AGBL4: variants seen among roughly 807,000 people sequenced by gnomAD.
The protein encoded by AGBL4 is cytosolic carboxypeptidase 6.
AGBL4 carries 58 observed loss-of-function variants against 66.4 expected under a neutral mutation model. That is an observed-to-expected ratio of 0.87 (90% CI 0.71 to 1.09). AGBL4 has a LOEUF of 1.09. Ranked by LOEUF, AGBL4 falls within the 50% of genes least tolerant of loss-of-function variation. The pLI is 0.00. For missense variants in AGBL4, 579 were observed against 631.0 expected (o/e 0.92, Z 0.88); for synonymous variants, 234 against 222.9 (o/e 1.05, Z -0.44).
intron 2 of AGBL4, among the ~76,000 whole-genome samples, chr1:49,833,672 G>C (rs1645761085): frequency 6.6e-6 from 1 of 152,136 alleles, no homozygotes; most frequent in Non-Finnish European, 1.5e-5. Flanking sequence ...ATTTCATTGA[G>C]CAGTGGTTTG....
intron 4 of AGBL4, among the ~76,000 whole-genome samples, chr1:49,098,211 T>C (rs1459391938): frequency 6.6e-6 from 1 of 152,156 alleles, no homozygotes; most frequent in Non-Finnish European, 1.5e-5. Context: ...ATAAACATGA[T>C]ATGTAAAAAC....
intron 3 of AGBL4, among the ~76,000 whole-genome samples, chr1:49,352,321 TAA>T (rs1234234725): frequency 1.3e-5 from 2 of 148,588 alleles, no homozygotes. Context: ...CCAGTTTGAA[TAA>T]AGTATTCTCT....
At chr1:49,047,160 A>G (rs929598512) in intron 4 of AGBL4, among the ~76,000 whole-genome samples, 9 of 152,164 alleles carry the variant, frequency 5.9e-5, no homozygotes, top group African/African-American at 2.2e-4. Flanking sequence ...TTGGAACAGC[A>G]GTGGTTACAT....
At chr1:48,865,850 C>T (rs951172264) in intron 6 of AGBL4, among the ~76,000 whole-genome samples, 5 of 152,082 alleles carry the variant, frequency 3.3e-5, no homozygotes, top group African/African-American at 1.2e-4. Flanking sequence ...TAAACTGTAT[C>T]GGACATAGAT....
intron 6 of AGBL4, among the ~76,000 whole-genome samples, chr1:48,731,658 A>G (rs1648157940): frequency 6.6e-6 from 1 of 152,226 alleles, no homozygotes; most frequent in African/African-American, 2.4e-5. Context: ...TGTTCCAGGC[A>G]TCCGGAAAAG....
chr1:49,170,048 C>T (rs982874609), intron 4 of AGBL4, among the ~76,000 whole-genome samples: 4 of 151,796 alleles, frequency 2.6e-5, no homozygotes, highest in East Asian at 1.9e-4. Flanking sequence ...ACACAACTCA[C>T]GTGATGGATG....
chr1:48,825,700 T>C (rs1325285948), intron 6 of AGBL4, among the ~76,000 whole-genome samples: 1 of 152,142 alleles, frequency 6.6e-6, no homozygotes, highest in Non-Finnish European at 1.5e-5. Flanking sequence ...AGAAAGAGCA[T>C]GAGCAAAGGC....
In AGBL4 at chr1:49,076,964, T is replaced by C. The variant is rs138980908; in HGVS notation, c.378-31164A>G. On this transcript the variant is annotated intron_variant, in intron 4 of 13. Coordinates refer to ENST00000371839, the MANE Select transcript of AGBL4 (RefSeq NM_032785.4). The stretch of plus-strand genomic sequence containing the variant: ...AACCAATTACAGAGAAACTTCAAGC[T>C]TTAAGGAATGTACCCACGTTATGCT... Among the ~76,000 whole-genome samples, 1,181 of 152,294 alleles carry C rather than the reference T, an allele frequency of 7.8e-3. 45 individuals are homozygous for C. Among genetic ancestry groups the C allele is most frequent in the Admixed American group, 0.058 (893 of 15,290 alleles).
At chr1:49,893,321 C>G (rs1318853203) in intron 1 of AGBL4, among the ~76,000 whole-genome samples, 1 of 152,136 alleles carries the variant, frequency 6.6e-6, no homozygotes, top group African/African-American at 2.4e-5. Context: ...ACAGGAACAC[C>G]AAATTTAACA....
chr1:49,721,850 G>C (rs903714967), intron 2 of AGBL4, among the ~76,000 whole-genome samples: 1 of 152,004 alleles, frequency 6.6e-6, no homozygotes, highest in East Asian at 1.9e-4. Flanking sequence ...GGCTTTCATA[G>C]GAAAGAAGGG....
At chr1:49,966,204 A>T (rs985517494) in intron 1 of AGBL4, among the ~76,000 whole-genome samples, 1 of 152,022 alleles carries the variant, frequency 6.6e-6, no homozygotes, top group Non-Finnish European at 1.5e-5. Context: ...AGCCTCCCAA[A>T]GTGCTGGGAT....
intron 3 of AGBL4, among the ~76,000 whole-genome samples, chr1:49,513,161 T>C (rs1649433961): frequency 6.6e-6 from 1 of 152,104 alleles, no homozygotes; most frequent in African/African-American, 2.4e-5. Flanking sequence ...GTGTTCTTTC[T>C]AGTATAAATC....
chr1:49,716,876 G>A (rs1024125536), intron 2 of AGBL4, among the ~76,000 whole-genome samples: 2 of 152,086 alleles, frequency 1.3e-5, no homozygotes, highest in African/African-American at 2.4e-5. Context: ...ACAAGACAAG[G>A]ATGCCCTCTC....
At chr1:48,583,848 TGA>T (rs2148335062) in intron 11 of AGBL4, 1 of 113,546 alleles carries the variant, frequency 8.8e-6, no homozygotes, top group East Asian at 2.3e-4. Context: ...TGTTATGAAA[TGA>T]GAGTTTTTTT....
At chr1:49,218,269 A>T (rs1268030436) in intron 4 of AGBL4, among the ~76,000 whole-genome samples, 1 of 152,110 alleles carries the variant, frequency 6.6e-6, no homozygotes, top group Non-Finnish European at 1.5e-5. Flanking sequence ...AGTGACCAAG[A>T]CATTGGCAAA....
intron 9 of AGBL4, among the ~76,000 whole-genome samples, chr1:48,611,486 GA>G (rs1645238768): frequency 6.6e-6 from 1 of 152,198 alleles, no homozygotes; most frequent in African/African-American, 2.4e-5. Flanking sequence ...TTAAAATGGG[GA>G]TAATAATATC....
At chr1:50,007,587 A>T (rs748086535) in intron 1 of AGBL4, among the ~76,000 whole-genome samples, 1 of 152,130 alleles carries the variant, frequency 6.6e-6, no homozygotes, top group Non-Finnish European at 1.5e-5. Context: ...ACAAAGTGAG[A>T]TTCTGTCCCT....
chr1:49,742,177 T>A (rs1391723086), intron 2 of AGBL4, among the ~76,000 whole-genome samples: 1 of 151,168 alleles, frequency 6.6e-6, no homozygotes, highest in African/African-American at 2.4e-5. Context: ...AAAATCTCCT[T>A]AAGCTGATAA....
intron 3 of AGBL4, among the ~76,000 whole-genome samples, chr1:49,286,445 T>C (rs986560782): frequency 7.9e-5 from 12 of 152,152 alleles, no homozygotes; most frequent in African/African-American, 2.4e-4. Flanking sequence ...GATGACATGA[T>C]TGTATATCTA....
Sources: gnomAD v4.1 joint callset for allele counts (sites outside exome capture counted in the v4.1 genomes callset) on GRCh38, gnomAD v4.1.1 for gene constraint, MANE v1.5 for transcripts, NCBI Gene and HGNC (gene_info 2026-07-23, HGNC 2026-07-21) for gene names.